The following GRAMD1B variants were observed in gnomAD, a reference collection of about 807,000 sequenced individuals.
GRAMD1B encodes GRAM domain containing 1B, also known as protein Aster-B.
In GRAMD1B, 37 loss-of-function variants were observed where a neutral mutation model predicts 99.7. That is an observed-to-expected ratio of 0.37 (90% CI 0.29 to 0.49). GRAMD1B has a LOEUF of 0.49. Ranked by LOEUF, GRAMD1B falls within the 20% of genes least tolerant of loss-of-function variation. The probability of loss-of-function intolerance (pLI) is 0.98; values close to 1 mark genes in which losing one functional copy is unlikely to be tolerated. For synonymous variants in GRAMD1B, 427 were observed against 387.6 expected (o/e 1.10, Z -1.19); for missense variants, 888 against 1,009.2 (o/e 0.88, Z 1.63).
intron 2 of GRAMD1B, among the ~76,000 whole-genome samples, chr11:123,502,414 C>A (rs1939955499): frequency 6.6e-6 from 1 of 152,210 alleles, no homozygotes; most frequent in Non-Finnish European, 1.5e-5. Context: ...CCCTGCTGAC[C>A]CCTTGCCCAT....
At chr11:123,516,956 G>A (rs1162783484) in intron 2 of GRAMD1B, among the ~76,000 whole-genome samples, 1 of 152,206 alleles carries the variant, frequency 6.6e-6, no homozygotes, top group Admixed American at 6.5e-5. Context: ...GTCTTGCTCT[G>A]TCACCCAGGC....
intron 2 of GRAMD1B, among the ~76,000 whole-genome samples, chr11:123,506,866 C>T (rs992434165): frequency 6.6e-6 from 1 of 152,182 alleles, no homozygotes; most frequent in Non-Finnish European, 1.5e-5. Context: ...TTCCCTGCCT[C>T]CTGCCCAGCC....
intron 1 of GRAMD1B, among the ~76,000 whole-genome samples, chr11:123,361,599 C>A (rs1946148561): frequency 6.6e-6 from 1 of 152,178 alleles, no homozygotes; most frequent in African/African-American, 2.4e-5. Context: ...TAGGCACGGT[C>A]ATTCTTCAAA....
At chr11:123,522,570 C>T (rs538216526) in intron 2 of GRAMD1B, among the ~76,000 whole-genome samples, 7 of 152,142 alleles carry the variant, frequency 4.6e-5, no homozygotes, top group African/African-American at 9.7e-5. Flanking sequence ...CCACCCATCT[C>T]GGCCTCCCAA....
intron 2 of GRAMD1B, among the ~76,000 whole-genome samples, chr11:123,481,298 T>C (rs1432148090): frequency 6.6e-6 from 1 of 151,982 alleles, no homozygotes; most frequent in Non-Finnish European, 1.5e-5. Context: ...CTACTGAAAC[T>C]ACAAAAATTA....
At chr11:123,556,544 G>A (rs1171711028) in intron 2 of GRAMD1B, among the ~76,000 whole-genome samples, 3 of 152,190 alleles carry the variant, frequency 2.0e-5, no homozygotes, top group Non-Finnish European at 4.4e-5. Flanking sequence ...ATCTAGGGTG[G>A]TCTCTGGAAA....
intron 1 of GRAMD1B, among the ~76,000 whole-genome samples, chr11:123,361,322 G>T (rs544506634): frequency 3.9e-5 from 6 of 152,166 alleles, no homozygotes; most frequent in Non-Finnish European, 7.3e-5. Flanking sequence ...CCACTGTGCT[G>T]CTCCAACTGT....
intron 1 of GRAMD1B, among the ~76,000 whole-genome samples, chr11:123,368,679 CAAAAAAAAAAAAAA>C (rs58877377): frequency 5.1e-5 from 4 of 78,064 alleles, no homozygotes; most frequent in Admixed American, 3.9e-4. Context: ...GACTCTGTCT[CAAAAAAAAAAAAAA>C]AAAAAAAAAG....
intron 1 of GRAMD1B, among the ~76,000 whole-genome samples, chr11:123,467,394 C>CT (rs11447711): frequency 0.33 from 33,859 of 102,774 alleles, 6,013 homozygotes; most frequent in Non-Finnish European, 0.38. Context: ...TTTTCAACAC[C>CT]TTTTTTTTTT....
intron 1 of GRAMD1B, among the ~76,000 whole-genome samples, chr11:123,375,086 A>G (rs1946649257): frequency 6.6e-6 from 1 of 152,220 alleles, no homozygotes. Context: ...TCATGATCTC[A>G]CTTAACTTAC....
chr11:123,547,218 C>G (rs1272852985), intron 2 of GRAMD1B, among the ~76,000 whole-genome samples: 1 of 152,178 alleles, frequency 6.6e-6, no homozygotes, highest in African/African-American at 2.4e-5. Context: ...TGGCCCCCAA[C>G]AATAGAGGGA....
intron 1 of GRAMD1B, among the ~76,000 whole-genome samples, chr11:123,468,786 A>T (rs556158206): frequency 1.7e-5 from 2 of 115,970 alleles, no homozygotes; most frequent in African/African-American, 6.9e-5. Context: ...ACAGATTGAG[A>T]CCCTGTATCA....
At chr11:123,533,323 T>C (rs1160485017) in intron 2 of GRAMD1B, among the ~76,000 whole-genome samples, 1 of 152,200 alleles carries the variant, frequency 6.6e-6, no homozygotes, top group Non-Finnish European at 1.5e-5. Flanking sequence ...GAAACTTAGC[T>C]AGCAGTCCTG....
At chr11:123,544,831 G>T (rs1591919370) in intron 2 of GRAMD1B, among the ~76,000 whole-genome samples, 1 of 152,272 alleles carries the variant, frequency 6.6e-6, no homozygotes, top group East Asian at 1.9e-4. Flanking sequence ...TCTGACCTTT[G>T]TGTAGAGAGG....
At chr11:123,383,205 G>GCT (rs55890434) in intron 1 of GRAMD1B, among the ~76,000 whole-genome samples, 4,309 of 146,830 alleles carry the variant, frequency 0.029, 81 homozygotes, top group Middle Eastern at 0.053. Flanking sequence ...TCAGAGTCTT[G>GCT]CTCTCTCTCT....
chr11:123,378,707 A>G (rs996501822), intron 1 of GRAMD1B, among the ~76,000 whole-genome samples: 1 of 152,236 alleles, frequency 6.6e-6, no homozygotes, highest in Non-Finnish European at 1.5e-5. Flanking sequence ...AGTGTTATGC[A>G]GAAAGATTAC....
chr11:123,609,043 C>G (rs1148087), intron 12 of GRAMD1B, among the ~76,000 whole-genome samples: 12,813 of 152,066 alleles, frequency 0.084, 705 homozygotes, highest in Admixed American at 0.16. Flanking sequence ...ACCAGGCACT[C>G]GATGCCGGCC....
chr11:123,591,676 T>C lies in GRAMD1B; in HGVS notation c.685-2406T>C. ...ATTATTTGACCATTTTAAATTGAAA[T>C]AGGTGAGCCAGGCCCCGCCTTTGGG... On this transcript the variant is annotated intron_variant, in intron 4 of 19. Transcript: ENST00000635736. This position sits in a 1 kb window ranked among gnomAD's most constrained non-coding sequence, Gnocchi z 4.7. The C allele has an allele frequency of 5.1e-6, 2 of 392,894 alleles. No homozygotes were observed. The highest frequency in any genetic ancestry group is 6.4e-4 in the Middle Eastern group (1 of 1,558). 24.3% of individuals were successfully genotyped at this position (392,894 alleles called of 1,614,324 possible). A position where few individuals can be genotyped will look rare whatever the true frequency, so the allele number is the denominator to read the frequency against.
rs568419636 is a variant in GRAMD1B at position 123,408,925 on chromosome 11, A to G, written c.-176+50126A>G. On this transcript the variant is annotated intron_variant, in intron 1 of 20. Coordinates refer to the GRAMD1B transcript ENST00000638157. ...GCTTCTACCCTCCAGATAAAGTACA[A>G]TATCTATTGTTTCAGAAGACTAGAT... 1.2e-4 allele frequency among the ~76,000 whole-genome samples: 14 copies of G among 114,084 alleles called. No homozygotes were observed. In the East Asian group the frequency reaches 1.3e-3, roughly 10 times the overall value. The allele number at this position is 114,084 out of a possible 152,430, so 74.8% of individuals were successfully genotyped here. A position where few individuals can be genotyped will look rare whatever the true frequency, so the allele number is the denominator to read the frequency against.
Sources: allele counts gnomAD v4.1 joint callset (sites outside exome capture counted in the v4.1 genomes callset), GRCh38; gene constraint gnomAD v4.1.1; non-coding constraint Gnocchi (gnomAD v3.1); transcripts MANE v1.5; gene names NCBI Gene and HGNC (gene_info 2026-07-23, HGNC 2026-07-21).